Variants in NCR1 observed in about 807,000 individuals in gnomAD.
NCR1 encodes the protein NK cell-activating receptor.
NCR1 carries 30 observed loss-of-function variants against 32.5 expected under a neutral mutation model. That is an observed-to-expected ratio of 0.92 (90% CI 0.69 to 1.25). The LOEUF (loss-of-function observed/expected upper bound fraction) is 1.25, where lower values mean the gene tolerates loss of function less well. Ranked by LOEUF, NCR1 falls within the 50% of genes most tolerant of loss-of-function variation. The pLI, the probability that NCR1 is intolerant of heterozygous loss-of-function variation, is 0.00. For missense variants in NCR1, 369 were observed against 380.7 expected, an observed-to-expected ratio of 0.97 and a Z score of 0.26; for synonymous variants, 169 against 143.4, an observed-to-expected ratio of 1.18 and a Z score of -1.28.
At chr19:54,917,256 A>C (rs1386450373), downstream of NCR1, among the ~76,000 whole-genome samples, 1 of 150,340 alleles carries the variant, frequency 6.7e-6, no homozygotes, top group African/African-American at 2.4e-5. Context: ...CAGAGGTTGC[A>C]GTGAGTCGAG....
chr19:54,913,390 T>G (rs1179793155), downstream of NCR1, among the ~76,000 whole-genome samples: 1 of 152,240 alleles, frequency 6.6e-6, no homozygotes, highest in Non-Finnish European at 1.5e-5. Flanking sequence ...TATGGTCTCT[T>G]CTAGGCTCTA....
chr19:54,906,216 G>A lies in NCR1; in HGVS notation c.29G>A (p.Cys10Tyr). 1 of 1,614,176 alleles carries A rather than the reference G, an allele frequency of 6.2e-7. No individual in the cohort carries two copies. Among genetic ancestry groups the A allele is most frequent in the African/African-American group, 1.3e-5 (1 of 75,054 alleles). Residue 10 changes from cysteine to tyrosine, a missense_variant, in exon 1 of 7, where the codon TGC (cysteine) becomes TAC (tyrosine). Cys to Tyr is a radical substitution (Grantham distance 194). Transcript: ENST00000291890. ...TCTTCCACACTCCCTGCCCTGCTCT[G>A]CGTCGGTGAGTTCTGGCGTGGAAGG... Reference protein sequence around the residue: MSSTLPALLCVGLCLSQRIS... With the variant: MSSTLPALLYVGLCLSQRIS...
chr19:54,910,674 G>C (rs6509909), intron 5 of NCR1, among the ~76,000 whole-genome samples: 105,538 of 152,046 alleles, frequency 0.69, 38,408 homozygotes, highest in Non-Finnish European at 0.82. Context: ...TATCTTGACT[G>C]TGCAGCACTT....
chr19:54,917,333 C>CA (rs202025649), downstream of NCR1, among the ~76,000 whole-genome samples: 1,828 of 149,836 alleles, frequency 0.012, 41 homozygotes, highest in African/African-American at 0.042. Flanking sequence ...AAAACAAAAA[C>CA]AAAAAAACTA....
chr19:54,916,317 C>CTTTTTTGTTTTTTTTTTTTTT (rs2068131050), downstream of NCR1, among the ~76,000 whole-genome samples: 1 of 87,124 alleles, frequency 1.1e-5, no homozygotes. Context: ...GAATATTGTG[C>CTTTTTTGTTTTTTTTTTTTTT]TTTTTTTTTT....
chr19:54,918,092 A>C (rs764017727), downstream of NCR1, among the ~76,000 whole-genome samples: 3 of 151,176 alleles, frequency 2.0e-5, no homozygotes, highest in Non-Finnish European at 2.9e-5. Flanking sequence ...CCCGCCACCT[A>C]GCCCGGCTAA....
chr19:54,930,517 C>T, the NCR1 span: 2 of 1,610,004 alleles, frequency 1.2e-6, no homozygotes, highest in Non-Finnish European at 1.7e-6. Flanking sequence ...TTTTAGGTTA[C>T]AGTTTGGATT....
At chr19:54,927,832 G>A in the NCR1 span, 109 of 1,487,262 alleles carry the variant, frequency 7.3e-5, no homozygotes, top group Middle Eastern at 1.9e-4. Context: ...TGGCTCAAGC[G>A]TGTAATCCCA....
At chr19:54,910,611 A>G (rs2067922951) in intron 5 of NCR1, among the ~76,000 whole-genome samples, 1 of 152,138 alleles carries the variant, frequency 6.6e-6, no homozygotes, top group Non-Finnish European at 1.5e-5. Context: ...ATATATATTC[A>G]TCAAGTGCAT....
chr19:54,910,523 C>G (rs1446408626), intron 5 of NCR1, among the ~76,000 whole-genome samples: 1 of 152,006 alleles, frequency 6.6e-6, no homozygotes, highest in Non-Finnish European at 1.5e-5. Context: ...GAGCTGAGAT[C>G]GCGCCACTGC....
the NCR1 span, chr19:54,923,426 T>C: frequency 4.6e-6 from 2 of 438,214 alleles, no homozygotes; most frequent in Non-Finnish European, 8.4e-6. Flanking sequence ...TCCCTGAACT[T>C]CTTAGCAATA....
the NCR1 span, chr19:54,930,473 G>GA: frequency 6.5e-7 from 1 of 1,543,380 alleles, no homozygotes; most frequent in Admixed American, 1.7e-5. Context: ...AAAAAAGAAA[G>GA]AAAGAAGAAA....
At chr19:54,920,934 C>T (rs114869796), downstream of NCR1, among the ~76,000 whole-genome samples, 1,258 of 152,106 alleles carry the variant, frequency 8.3e-3, 21 homozygotes, top group African/African-American at 0.028. Context: ...GGTGAAATCA[C>T]GCCACTGCAC....
At chr19:54,913,547 T>C (rs565025314), downstream of NCR1, among the ~76,000 whole-genome samples, 12 of 152,282 alleles carry the variant, frequency 7.9e-5, no homozygotes, top group East Asian at 2.3e-3. Context: ...CAGGAAGCCA[T>C]TCAAAATAGT....
chr19:54,926,817 GA>G, the NCR1 span, among the ~76,000 whole-genome samples: 1 of 151,722 alleles, frequency 6.6e-6, no homozygotes, highest in Non-Finnish European at 1.5e-5. Flanking sequence ...TCAGGAGGCT[GA>G]GGCAGGAGAA....
the NCR1 span, among the ~76,000 whole-genome samples, chr19:54,899,822 G>A: frequency 6.6e-6 from 1 of 152,134 alleles, no homozygotes. Context: ...TCAGAGAGGT[G>A]TCCCCGCGTG....
chr19:54,908,640 C>T (rs2067770764), intron 3 of NCR1, among the ~76,000 whole-genome samples: 2 of 140,902 alleles, frequency 1.4e-5, no homozygotes, highest in South Asian at 4.5e-4. Context: ...CCGGACGGGG[C>T]GGCTGGCCGG....
At chr19:54,904,523 T>C (rs1026098172), upstream of NCR1, among the ~76,000 whole-genome samples, 18 of 148,168 alleles carry the variant, frequency 1.2e-4, no homozygotes, top group Non-Finnish European at 5.9e-5. Flanking sequence ...GGTATTTGGT[T>C]TTCTTTTCTT....
chr19:54,902,905 T>C (rs193183689), upstream of NCR1, among the ~76,000 whole-genome samples: 56 of 151,898 alleles, frequency 3.7e-4, no homozygotes, highest in East Asian at 9.9e-3. Context: ...TAAAGTGGGC[T>C]GATCACTTGA....
Sources: gnomAD v4.1 joint callset for allele counts (sites outside exome capture counted in the v4.1 genomes callset) on GRCh38, gnomAD v4.1.1 for gene constraint, MANE v1.5 for transcripts, NCBI Gene and HGNC (gene_info 2026-07-23, HGNC 2026-07-21) for gene names.